Variants in XKR4 observed in about 807,000 individuals in gnomAD.
XKR4 encodes XK-related protein 4.
A neutral mutation model predicts 53.9 loss-of-function variants in XKR4; 12 were observed. The ratio of observed to expected loss-of-function variants is 0.22; its 90% CI spans 0.14 to 0.36. The LOEUF is 0.36. Ranked by LOEUF, XKR4 falls within the 10% of genes least tolerant of loss-of-function variation. The pLI is 1.00. For synonymous variants in XKR4, 354 were observed against 362.4 expected, an observed-to-expected ratio of 0.98 and a Z score of 0.26; for missense variants, 799 against 859.5, an observed-to-expected ratio of 0.93 and a Z score of 0.88.
chr8:55,411,423 A>G (rs1024520584), intron 2 of XKR4, among the ~76,000 whole-genome samples: 6 of 152,218 alleles, frequency 3.9e-5, no homozygotes, highest in African/African-American at 1.4e-4. Flanking sequence ...CATTGTTATT[A>G]TTCCTCAACA....
chr8:55,393,816 TA>T (rs2129389010), intron 2 of XKR4, among the ~76,000 whole-genome samples: 1 of 152,236 alleles, frequency 6.6e-6, no homozygotes, highest in Admixed American at 6.5e-5. Flanking sequence ...GCACTACCCA[TA>T]AAACATAAAT....
At chr8:55,270,842 C>T (rs1426605753) in intron 1 of XKR4, among the ~76,000 whole-genome samples, 2 of 152,184 alleles carry the variant, frequency 1.3e-5, no homozygotes, top group Non-Finnish European at 2.9e-5. Context: ...ACATGGCTAT[C>T]TCAGCCAGGA....
In XKR4 at chr8:55,300,810, A is replaced by G. The variant is rs77533540; in HGVS notation, c.807-56868A>G. Among the ~76,000 whole-genome samples, 1,142 of 152,212 alleles carry G rather than the reference A, an allele frequency of 7.5e-3. 10 individuals are homozygous for G. Among genetic ancestry groups the G allele is most frequent in the Non-Finnish European group, 0.011 (777 of 67,990 alleles). ...AAAGGTGAAGCCATCATTGGAGAAG[A>G]ACATCTGGAGAACTGGGTTTTCAGA... On this transcript the variant is annotated intron_variant, in intron 1 of 2. Coordinates refer to ENST00000327381, the MANE Select transcript of XKR4 (RefSeq NM_052898.2).
intron 2 of XKR4, among the ~76,000 whole-genome samples, chr8:55,480,163 G>A (rs1008878059): frequency 6.6e-6 from 1 of 152,116 alleles, no homozygotes; most frequent in Non-Finnish European, 1.5e-5. Flanking sequence ...TAAAATACTG[G>A]CAAACCGAAT....
intron 2 of XKR4, among the ~76,000 whole-genome samples, chr8:55,448,038 G>A (rs1218489420): frequency 6.6e-6 from 1 of 152,194 alleles, no homozygotes. Flanking sequence ...AAGCTTGCTG[G>A]CAAGCAAACT....
At chr8:55,138,669 T>C (rs1229128392) in intron 1 of XKR4, among the ~76,000 whole-genome samples, 2 of 152,344 alleles carry the variant, frequency 1.3e-5, no homozygotes, top group East Asian at 3.9e-4. Flanking sequence ...TACATTCAGC[T>C]CATTTATTTA....
At chr8:55,258,177 G>A (rs565397165) in intron 1 of XKR4, among the ~76,000 whole-genome samples, 1 of 152,200 alleles carries the variant, frequency 6.6e-6, no homozygotes, top group Admixed American at 6.5e-5. Context: ...CACAAGGAAG[G>A]GGGACACTGG....
rs979256625 is a variant in XKR4, at chr8:55,534,856, G to C, written c.*10629G>C. ...GGTCATAGTTTCAGAGTATGCAAGA[G>C]AGTCGGGCCTTCATATGTTCTTGTA... On this transcript the variant is annotated 3_prime_UTR_variant, in exon 3 of 3. Transcript: ENST00000327381. 8.6e-5 allele frequency: 13 copies of C among 151,146 alleles called. No individual in the cohort carries two copies. Among genetic ancestry groups the C allele is most frequent in the African/African-American group, 3.2e-4 (13 of 41,020 alleles). 9.4% of individuals were successfully genotyped at this position (151,146 alleles called of 1,614,324 possible). A position where few individuals can be genotyped will look rare whatever the true frequency, so the allele number is the denominator to read the frequency against.
chr8:55,492,527 T>G (rs1806285726), intron 2 of XKR4, among the ~76,000 whole-genome samples: 2 of 152,248 alleles, frequency 1.3e-5, no homozygotes. Flanking sequence ...TTGTACTGAT[T>G]GTGTTCTAGG....
rs78939131 is a variant in XKR4, at chr8:55,119,873, T to G, written c.806+16579T>G. Reference sequence around the variant, plus strand: ...GGTAGTGCTGGTTAAGAACTCTACTTAATGAATTATTGGAAAAGGCATAAA... The same window carrying G: ...GGTAGTGCTGGTTAAGAACTCTACTGAATGAATTATTGGAAAAGGCATAAA... On this transcript the variant is annotated intron_variant, in intron 1 of 2. Coordinates refer to ENST00000327381, the MANE Select transcript of XKR4 (RefSeq NM_052898.2). Among the ~76,000 whole-genome samples the G allele has an allele frequency of 5.2e-3, 791 of 152,318 alleles. 6 individuals are homozygous for G. The highest frequency in any genetic ancestry group is 0.018 in the African/African-American group (751 of 41,568).
At chr8:55,279,126 C>A (rs1396551180) in intron 1 of XKR4, among the ~76,000 whole-genome samples, 2 of 152,166 alleles carry the variant, frequency 1.3e-5, no homozygotes, top group African/African-American at 4.8e-5. Flanking sequence ...GACAAAGTAT[C>A]ACAAAACTGC....
chr8:55,450,586 G>A (rs949312353), intron 2 of XKR4: 17 of 726,402 alleles, frequency 2.3e-5, no homozygotes, highest in Non-Finnish European at 4.2e-5. Context: ...GATAGAACTG[G>A]CTGAACTCAA....
intron 2 of XKR4, among the ~76,000 whole-genome samples, chr8:55,443,639 C>T (rs573366388): frequency 3.4e-5 from 5 of 146,706 alleles, no homozygotes; most frequent in Admixed American, 2.1e-4. Context: ...GTCAGGAGAT[C>T]GAAACCATCC....
intron 1 of XKR4, among the ~76,000 whole-genome samples, chr8:55,185,300 C>A (rs1817361418): frequency 6.6e-6 from 1 of 152,276 alleles, no homozygotes; most frequent in South Asian, 2.1e-4. Flanking sequence ...GTTGAGAAAT[C>A]CCACTTCAAC....
intron 2 of XKR4, among the ~76,000 whole-genome samples, chr8:55,439,736 G>C (rs1333340542): frequency 6.6e-6 from 1 of 152,024 alleles, no homozygotes; most frequent in Non-Finnish European, 1.5e-5. Context: ...AGTAAAAAGG[G>C]TTAACATATA....
chr8:55,164,259 GTC>G, intron 1 of XKR4: 1 of 456,366 alleles, frequency 2.2e-6, no homozygotes, highest in Non-Finnish European at 4.4e-6. Context: ...CTCTTTCTCT[GTC>G]TCTCTTTGCC....
chr8:55,389,283 G>A (rs2129388425), intron 2 of XKR4, among the ~76,000 whole-genome samples: 1 of 152,312 alleles, frequency 6.6e-6, no homozygotes, highest in South Asian at 2.1e-4. Flanking sequence ...ACAGTCTGTG[G>A]TATTTGGTTA....
rs189236273 is a variant in XKR4 at position 55,513,448 on chromosome 8, C to T, written c.1007-9833C>T. Among the ~76,000 whole-genome samples the T allele has an allele frequency of 1.5e-3, 231 of 152,252 alleles. 3 individuals carry two copies. The highest frequency in any genetic ancestry group is 4.0e-4 in the Non-Finnish European group (27 of 68,024). On this transcript the variant is annotated intron_variant, in intron 2 of 2. Coordinates refer to ENST00000327381, the MANE Select transcript of XKR4 (RefSeq NM_052898.2). ...GGTGAGGCTGGGTAGAAGAGCTGCC[C>T]TTCCCACAAATAGGGGCAGAATGAA... is the stretch of plus-strand genomic sequence containing the variant.
intron 2 of XKR4, among the ~76,000 whole-genome samples, chr8:55,428,038 T>A (rs945885934): frequency 6.6e-6 from 1 of 152,214 alleles, no homozygotes; most frequent in Non-Finnish European, 1.5e-5. Context: ...ATATAACTTT[T>A]TTCAGTCTAT....
Sources: allele counts gnomAD v4.1 joint callset (sites outside exome capture counted in the v4.1 genomes callset), GRCh38; gene constraint gnomAD v4.1.1; transcripts MANE v1.5; gene names NCBI Gene and HGNC (gene_info 2026-07-23, HGNC 2026-07-21).